The following CHIC1 variants were observed in gnomAD, a reference collection of about 807,000 sequenced individuals.
The protein encoded by CHIC1 is cysteine rich hydrophobic domain 1.
In CHIC1, 7 loss-of-function variants were observed where a neutral mutation model predicts 18.5. That is an observed-to-expected ratio of 0.38 (90% CI 0.22 to 0.71). The LOEUF (loss-of-function observed/expected upper bound fraction) is 0.71, where lower values mean the gene tolerates loss of function less well. Among genes scored for constraint, CHIC1 ranks in the 30% least tolerant of loss-of-function variants. CHIC1 has a pLI of 0.49. For missense variants in CHIC1, 159 were observed against 176.9 expected (o/e 0.90, Z 0.57); for synonymous variants, 77 against 73.5 (o/e 1.05, Z -0.25).
intron 3 of CHIC1, among the ~76,000 whole-genome samples, chrX:73,594,564 A>T (rs2057597940): frequency 8.9e-6 from 1 of 111,998 alleles, no homozygotes; most frequent in African/African-American, 3.2e-5. Flanking sequence ...TAGAGTTTAA[A>T]TGTAAGGGCC....
At chrX:73,656,263 T>A (rs1373627373) in intron 3 of CHIC1, among the ~76,000 whole-genome samples, 2 of 111,918 alleles carry the variant, frequency 1.8e-5, no homozygotes, top group Non-Finnish European at 3.8e-5. Flanking sequence ...TTGTTCACCC[T>A]GATAATAGTT....
At chrX:73,644,985 C>G (rs1603347795) in intron 3 of CHIC1, among the ~76,000 whole-genome samples, 5 of 112,479 alleles carry the variant, frequency 4.4e-5, no homozygotes, top group African/African-American at 1.6e-4. Flanking sequence ...CTGTCCTGCA[C>G]CCACTGTCTG....
At chrX:73,597,898 G>T (rs1312545713) in intron 3 of CHIC1, among the ~76,000 whole-genome samples, 1 of 110,791 alleles carries the variant, frequency 9.0e-6, no homozygotes, top group African/African-American at 3.3e-5. Context: ...GTGTTAGTTT[G>T]CTGAGAATGA....
intron 2 of CHIC1, among the ~76,000 whole-genome samples, chrX:73,578,361 GA>G (rs758051669): frequency 9.0e-6 from 1 of 110,668 alleles, no homozygotes; most frequent in Admixed American, 9.6e-5. Flanking sequence ...GAACAGGAGA[GA>G]AAAACCATTA....
chrX:73,597,604 T>C (rs776555881), intron 3 of CHIC1, among the ~76,000 whole-genome samples: 248 of 103,762 alleles, frequency 2.4e-3, no homozygotes, highest in African/African-American at 7.0e-3. Flanking sequence ...CATATATATA[T>C]ACACACACAC....
At position 73,685,110 on chromosome X, in the gene CHIC1, ACTC is replaced by A. The variant is rs945470298; in HGVS notation, c.*4106_*4108del. The A allele has an allele frequency of 9.0e-6, 1 of 111,468 alleles. No homozygotes were observed. Among genetic ancestry groups the A allele is most frequent in the Non-Finnish European group, 1.9e-5 (1 of 52,899 alleles). The allele number at this position is 111,468 out of a possible 1,213,427, so 9.2% of individuals were successfully genotyped here. ...TTCAAGGAATTCTTAGGACATTTTT[ACTC>A]TATAGAATCTCAGAATGATTATTCT... On this transcript the variant is annotated 3_prime_UTR_variant, in exon 6 of 6. Coordinates refer to ENST00000373502, the MANE Select transcript of CHIC1 (RefSeq NM_001039840.4).
At chrX:73,634,455 C>T (rs771688827) in intron 3 of CHIC1, among the ~76,000 whole-genome samples, 10 of 112,343 alleles carry the variant, frequency 8.9e-5, no homozygotes, top group African/African-American at 2.3e-4. Flanking sequence ...TATTGAGATT[C>T]GAGTACTGTC....
At chrX:73,653,086 A>G (rs1603348708) in intron 3 of CHIC1, among the ~76,000 whole-genome samples, 2 of 111,825 alleles carry the variant, frequency 1.8e-5, no homozygotes, top group East Asian at 5.6e-4. Context: ...ACATGGATAA[A>G]GCTGGAAGCC....
chrX:73,565,012 T>C (rs758662864), intron 1 of CHIC1, among the ~76,000 whole-genome samples: 13 of 110,521 alleles, frequency 1.2e-4, no homozygotes, highest in Non-Finnish European at 2.1e-4. Flanking sequence ...ACAAATATTT[T>C]GAAATTGGGG....
chrX:73,575,583 G>A (rs2057493484), intron 1 of CHIC1, among the ~76,000 whole-genome samples: 1 of 109,714 alleles, frequency 9.1e-6, no homozygotes, highest in East Asian at 2.9e-4. Flanking sequence ...AAGTATTTGG[G>A]TATCTAAACA....
rs2058097471 is a variant in CHIC1, at chrX:73,681,127, C to T, written c.*122C>T. 1 of 457,338 alleles carries T rather than the reference C, an allele frequency of 2.2e-6. No individual in the cohort carries two copies. Among genetic ancestry groups the T allele is most frequent in the African/African-American group, 2.5e-5 (1 of 39,416 alleles). 37.7% of individuals were successfully genotyped at this position (457,338 alleles called of 1,213,427 possible). Reference sequence around the variant, plus strand: ...TTATTCTTTATAATGGTAGAATATTCTTCTCGCTCTTTTGTGTTGGTTTAT... The same window carrying T: ...TTATTCTTTATAATGGTAGAATATTTTTCTCGCTCTTTTGTGTTGGTTTAT... On this transcript the variant is annotated 3_prime_UTR_variant, in exon 6 of 6. Transcript: ENST00000373502.
chrX:73,679,285 T>C, intron 3 of CHIC1, 41 bp from the exon 4 acceptor site: 1 of 912,139 alleles, frequency 1.1e-6, no homozygotes, highest in Non-Finnish European at 1.6e-6. Flanking sequence ...TACAAAGCTC[T>C]TCAGGTCATC....
chrX:73,680,829 C>T, intron 5 of CHIC1, 126 bp from the exon 6 acceptor site: 1 of 332,417 alleles, frequency 3.0e-6, no homozygotes, highest in Non-Finnish European at 5.1e-6. Context: ...ATGTATTTCA[C>T]TTACTTTATA....
At chrX:73,618,456 C>T (rs7890331) in intron 3 of CHIC1, among the ~76,000 whole-genome samples, 5,283 of 110,658 alleles carry the variant, frequency 0.048, 324 homozygotes, top group African/African-American at 0.16. Context: ...CTGTGGCTGC[C>T]GTAGGGGCTG....
intron 3 of CHIC1, among the ~76,000 whole-genome samples, chrX:73,670,520 A>G (rs2058024937): frequency 9.1e-6 from 1 of 110,482 alleles, no homozygotes. Context: ...TACTAAAATT[A>G]GTAGACTAAT....
chrX:73,646,188 T>C (rs1252098600), intron 3 of CHIC1, among the ~76,000 whole-genome samples: 3 of 111,911 alleles, frequency 2.7e-5, no homozygotes, highest in African/African-American at 9.7e-5. Context: ...GTCAAACCAA[T>C]TGACCATGGT....
intron 3 of CHIC1, among the ~76,000 whole-genome samples, chrX:73,669,828 G>A (rs1041711510): frequency 8.9e-6 from 1 of 111,834 alleles, no homozygotes; most frequent in Non-Finnish European, 1.9e-5. Context: ...TTATTATCTT[G>A]TGAAGTGAGG....
intron 3 of CHIC1, among the ~76,000 whole-genome samples, chrX:73,596,194 T>A (rs1158468253): frequency 9.0e-6 from 1 of 111,530 alleles, no homozygotes; most frequent in Non-Finnish European, 1.9e-5. Context: ...GGATACAAAA[T>A]CAATGTGCAA....
chrX:73,567,978 T>A (rs777596382), intron 1 of CHIC1, among the ~76,000 whole-genome samples: 3 of 111,480 alleles, frequency 2.7e-5, no homozygotes, highest in Non-Finnish European at 5.7e-5. Context: ...AATTTCTGAT[T>A]CCCTATGAAT....
Sources: gnomAD v4.1 joint callset for allele counts (sites outside exome capture counted in the v4.1 genomes callset) on GRCh38, gnomAD v4.1.1 for gene constraint, MANE v1.5 for transcripts, NCBI Gene and HGNC (gene_info 2026-07-23, HGNC 2026-07-21) for gene names.